ETFA: variants seen among roughly 807,000 people sequenced by gnomAD.
ETFA encodes electron transfer flavoprotein subunit alpha, mitochondrial.
In ETFA, 22 loss-of-function variants were observed where a neutral mutation model predicts 46.2. That is an observed-to-expected ratio of 0.48 (90% confidence interval 0.34 to 0.68). The LOEUF is 0.68. ETFA is among the 30% of genes least tolerant of loss of function. The pLI, the probability that ETFA is intolerant of heterozygous loss-of-function variation, is 0.01. For synonymous variants in ETFA, 131 were observed against 139.9 expected (o/e 0.94, Z 0.45); for missense variants, 345 against 401.1 (o/e 0.86, Z 1.19).
chr15:76,254,347 T>C (rs2039329567), intron 9 of ETFA, among the ~76,000 whole-genome samples: 2 of 152,230 alleles, frequency 1.3e-5, no homozygotes, highest in Admixed American at 6.5e-5. Context: ...AGCTCTAGGC[T>C]GCCAGGCTAA....
At chr15:76,252,909 T>G (rs2141484292) in intron 9 of ETFA, among the ~76,000 whole-genome samples, 1 of 145,372 alleles carries the variant, frequency 6.9e-6, no homozygotes, top group African/African-American at 2.8e-5. Flanking sequence ...TTTTTTTTTT[T>G]TTTTTTTTAA....
intron 4 of ETFA, among the ~76,000 whole-genome samples, chr15:76,292,011 T>C (rs922042461): frequency 1.3e-5 from 2 of 152,158 alleles, no homozygotes; most frequent in African/African-American, 2.4e-5. Context: ...CTTAAGGATG[T>C]CTTCAACCAC....
At chr15:76,220,313 C>T (rs1441117159) in intron 11 of ETFA, among the ~76,000 whole-genome samples, 1 of 152,222 alleles carries the variant, frequency 6.6e-6, no homozygotes, top group Non-Finnish European at 1.5e-5. Flanking sequence ...AGTGATCCAC[C>T]CACCTTGGCC....
intron 11 of ETFA, chr15:76,217,750 T>C: frequency 2.6e-6 from 1 of 380,014 alleles, no homozygotes; most frequent in South Asian, 1.8e-5. Flanking sequence ...TACCCAGTCT[T>C]CCAAGGGGCT....
At position 76,249,569 on chromosome 15, in the gene ETFA, G is replaced by A. The variant is rs531753958; in HGVS notation, c.817-18171C>T. ...CCATTCTCCTGCCTCAGCCTCCCGAGTAGCTGGGACTACAGGCGCCCGCCA... is the reference window on the plus strand; with the variant it reads ...CCATTCTCCTGCCTCAGCCTCCCGAATAGCTGGGACTACAGGCGCCCGCCA... On this transcript the variant is annotated intron_variant, in intron 9 of 11. Transcript: ENST00000557943. Among the ~76,000 whole-genome samples the A allele has an allele frequency of 3.2e-3, 489 of 151,154 alleles. 4 individuals carry two copies. The highest frequency in any genetic ancestry group is 0.012 in the African/African-American group (475 of 41,116).
chr15:76,294,225 A>G, intron 2 of ETFA, among the ~76,000 whole-genome samples: 1 of 152,264 alleles, frequency 6.6e-6, no homozygotes. Flanking sequence ...TATTACAATA[A>G]TTATTTTAAA....
At chr15:76,262,867 A>G (rs1014939336) in intron 9 of ETFA, among the ~76,000 whole-genome samples, 1 of 152,140 alleles carries the variant, frequency 6.6e-6, no homozygotes, top group Non-Finnish European at 1.5e-5. Flanking sequence ...AATACAAATA[A>G]TGGCTGAGCT....
intron 9 of ETFA, among the ~76,000 whole-genome samples, chr15:76,248,742 T>C (rs892788459): frequency 6.6e-6 from 1 of 151,912 alleles, no homozygotes; most frequent in Non-Finnish European, 1.5e-5. Context: ...CCAGGTATGG[T>C]GGAGGGCACC....
intron 10 of ETFA, among the ~76,000 whole-genome samples, chr15:76,226,988 G>C (rs2039010901): frequency 6.6e-6 from 1 of 152,156 alleles, no homozygotes; most frequent in Non-Finnish European, 1.5e-5. Flanking sequence ...TGTTAGTAAG[G>C]GACGTTAAAC....
intron 8 of ETFA, among the ~76,000 whole-genome samples, chr15:76,282,678 C>G (rs1250812486): frequency 6.6e-6 from 1 of 151,992 alleles, no homozygotes; most frequent in African/African-American, 2.4e-5. Context: ...AGAAATTTCG[C>G]ACAGGAAAAC....
chr15:76,251,287 A>G (rs909363216), intron 9 of ETFA, among the ~76,000 whole-genome samples: 4 of 152,200 alleles, frequency 2.6e-5, no homozygotes, highest in Admixed American at 2.6e-4. Flanking sequence ...TAGCAAAATT[A>G]AAAAGGGAGG....
chr15:76,260,879 G>A, intron 9 of ETFA: 3 of 1,611,858 alleles, frequency 1.9e-6, no homozygotes, highest in South Asian at 2.2e-5. Flanking sequence ...GGGGCACAAG[G>A]ACCACAACAG....
intron 5 of ETFA, 71 bp from the exon 6 acceptor site, chr15:76,286,552 G>C (rs2039706710): frequency 2.2e-6 from 2 of 906,042 alleles, no homozygotes; most frequent in South Asian, 1.4e-5. Context: ...TTGATGCTTG[G>C]AATTTACTTC....
chr15:76,257,618 C>T (rs1353342135), intron 9 of ETFA, among the ~76,000 whole-genome samples: 1 of 149,702 alleles, frequency 6.7e-6, no homozygotes, highest in Admixed American at 6.7e-5. Context: ...GGCGATTCCT[C>T]AGGGATCTAG....
chr15:76,253,201 G>A (rs1292749916), intron 9 of ETFA, among the ~76,000 whole-genome samples: 1 of 151,934 alleles, frequency 6.6e-6, no homozygotes, highest in African/African-American at 2.4e-5. Flanking sequence ...CCTATCACTG[G>A]GTCTGAATTC....
intron 9 of ETFA, chr15:76,261,291 T>C: frequency 6.4e-7 from 1 of 1,555,030 alleles, no homozygotes; most frequent in Non-Finnish European, 8.8e-7. Context: ...CTGTGAAAAG[T>C]GGCACACCTA....
At chr15:76,227,831 G>T (rs572864146) in intron 10 of ETFA, 56 of 456,074 alleles carry the variant, frequency 1.2e-4, no homozygotes, top group Admixed American at 1.2e-3. Flanking sequence ...CCTTAGAGGG[G>T]TTCCTCAGAG....
At chr15:76,271,490 G>A (rs913508132) in intron 9 of ETFA, among the ~76,000 whole-genome samples, 2 of 152,208 alleles carry the variant, frequency 1.3e-5, no homozygotes, top group Non-Finnish European at 2.9e-5. Flanking sequence ...ATTCCCTCAT[G>A]AAGTGAAGGT....
At chr15:76,295,820 G>A (rs2039813503) in intron 1 of ETFA, 83 bp from the exon 2 acceptor site, 4 of 1,043,650 alleles carry the variant, frequency 3.8e-6, no homozygotes, top group Non-Finnish European at 5.6e-6. Context: ...TGTTAAGCAT[G>A]TATGCTTTAA....
Sources: gnomAD v4.1 joint callset for allele counts (sites outside exome capture counted in the v4.1 genomes callset) on GRCh38, gnomAD v4.1.1 for gene constraint, MANE v1.5 for transcripts, NCBI Gene and HGNC (gene_info 2026-07-23, HGNC 2026-07-21) for gene names.